ZDHHC9: variants seen among roughly 807,000 people sequenced by gnomAD.
The protein encoded by ZDHHC9 is palmitoyltransferase ZDHHC9.
A neutral mutation model predicts 26.6 loss-of-function variants in ZDHHC9; 3 were observed. The observed-to-expected ratio is 0.11, with a 90% CI of 0.05 to 0.29. The LOEUF (loss-of-function observed/expected upper bound fraction) is 0.29. Ranked by LOEUF, ZDHHC9 falls within the 10% of genes least tolerant of loss-of-function variation. The pLI is 1.00. For synonymous variants in ZDHHC9, 111 were observed against 109.4 expected, an observed-to-expected ratio of 1.01 and a Z score of -0.09; for missense variants, 146 against 296.4, an observed-to-expected ratio of 0.49 and a Z score of 3.73.
rs73565421 is a variant in ZDHHC9 at position 129,815,549 on chromosome X, G to A, written c.488-754C>T. On this transcript the variant is annotated intron_variant, in intron 5 of 10. Coordinates refer to ENST00000357166, the MANE Select transcript of ZDHHC9 (RefSeq NM_016032.4). ...ACAGATGACAAGGAAAAATAGATTTGACTCCATAAACTTTAAAAAAGTACT... is the reference window on the plus strand; with the variant it reads ...ACAGATGACAAGGAAAAATAGATTTAACTCCATAAACTTTAAAAAAGTACT... Among the ~76,000 whole-genome samples, 1,007 of 111,950 alleles carry A rather than the reference G, an allele frequency of 9.0e-3. 11 individuals are homozygous for A. Among genetic ancestry groups the A allele is most frequent in the African/African-American group, 0.031 (952 of 30,868 alleles).
intron 3 of ZDHHC9, among the ~76,000 whole-genome samples, chrX:129,834,990 T>C (rs980509539): frequency 1.8e-5 from 2 of 112,551 alleles, no homozygotes; most frequent in African/African-American, 6.4e-5. Flanking sequence ...CCCTGTTCTC[T>C]GGGCTTGCTT....
intron 3 of ZDHHC9, among the ~76,000 whole-genome samples, chrX:129,829,900 T>C (rs1374646494): frequency 1.8e-5 from 2 of 111,610 alleles, no homozygotes; most frequent in African/African-American, 6.5e-5. Context: ...ATCAATATCA[T>C]TGTCATCATT....
intron 10 of ZDHHC9, among the ~76,000 whole-genome samples, chrX:129,807,066 G>A (rs1021471022): frequency 5.3e-4 from 59 of 112,197 alleles, no homozygotes; most frequent in Non-Finnish European, 1.0e-3. Flanking sequence ...ATATAAACAC[G>A]GGTTGCTGTA....
rs186707558 is a variant in ZDHHC9, at chrX:129,807,692, A to C, written c.979-1206T>G. ...AAAATTAGCCGGTGTGGTGGTGGGC[A>C]CCTGTAATCCCAGCTACTTGGGAGG... On this transcript the variant is annotated intron_variant, in intron 10 of 10. Transcript: ENST00000357166. 4.9e-3 allele frequency among the ~76,000 whole-genome samples: 537 copies of C among 109,323 alleles called. 2 individuals are homozygous for C. Among genetic ancestry groups the C allele is most frequent in the African/African-American group, 0.017 (501 of 29,992 alleles). The allele number at this position is 109,323 out of a possible 115,157, so 94.9% of individuals were successfully genotyped here.
In ZDHHC9 at chrX:129,809,969, ACAGAGCGAGACTCCGT is replaced by A. The variant is rs1927598743; in HGVS notation, c.978+920_978+935del. On this transcript the variant is annotated intron_variant, in intron 10 of 10. Coordinates refer to ENST00000357166, the MANE Select transcript of ZDHHC9 (RefSeq NM_016032.4). ...GCACCACCGCACTCCAGCCTGGGTG[ACAGAGCGAGACTCCGT>A]CTCAAAAAAAAAAAAAAAAAAAATT... Among the ~76,000 whole-genome samples, 4 of 90,532 alleles carry A rather than the reference ACAGAGCGAGACTCCGT, an allele frequency of 4.4e-5. No homozygotes were observed. The Admixed American group carries it at 5.1e-4, about 12-fold the overall frequency. The allele number at this position is 90,532 out of a possible 115,157, so 78.6% of individuals were successfully genotyped here.
rs1927440271 is a variant in ZDHHC9 at position 129,803,505 on chromosome X, C to T, written c.*2865G>A. On this transcript the variant is annotated 3_prime_UTR_variant, in exon 11 of 11. Coordinates refer to ENST00000357166, the MANE Select transcript of ZDHHC9 (RefSeq NM_016032.4). ...TTTAAAAACAAAATACTTTTTTTCT[C>T]CAACAAAGTAAAGAGATTTGGTCAG... 8.9e-6 allele frequency: 1 copy of T among 111,963 alleles called. No homozygotes were observed. The highest frequency in any genetic ancestry group is 9.5e-5 in the Admixed American group (1 of 10,581). 9.2% of individuals were successfully genotyped at this position (111,963 alleles called of 1,213,427 possible). A position where few individuals can be genotyped will look rare whatever the true frequency, so the allele number is the denominator to read the frequency against.
intron 5 of ZDHHC9, chrX:129,823,429 A>AT: frequency 5.1e-6 from 2 of 394,198 alleles, no homozygotes; most frequent in Middle Eastern, 1.4e-3. Context: ...GGTAAAGTTT[A>AT]TTTTTCTCAT....
At chrX:129,842,317 G>A (rs1037425818) in intron 2 of ZDHHC9, among the ~76,000 whole-genome samples, 2 of 112,243 alleles carry the variant, frequency 1.8e-5, no homozygotes, top group African/African-American at 6.5e-5. Context: ...CCAATCTAAT[G>A]CTGATGATCT....
At chrX:129,834,047 G>T (rs1251165102) in intron 3 of ZDHHC9, among the ~76,000 whole-genome samples, 1 of 111,619 alleles carries the variant, frequency 9.0e-6, no homozygotes, top group Non-Finnish European at 1.9e-5. Context: ...TGGAGGTGGG[G>T]CCTTTGGGGG....
intron 5 of ZDHHC9, among the ~76,000 whole-genome samples, chrX:129,821,174 G>A (rs777604667): frequency 6.3e-5 from 7 of 111,735 alleles, no homozygotes; most frequent in Admixed American, 9.5e-5. Flanking sequence ...AAATAGGAAC[G>A]CTATTGTTGT....
At chrX:129,832,964 C>CAAAA (rs11317653) in intron 3 of ZDHHC9, among the ~76,000 whole-genome samples, 1 of 35,053 alleles carries the variant, frequency 2.9e-5, no homozygotes, top group Non-Finnish European at 5.6e-5. Context: ...GACTCCACCT[C>CAAAA]AAAAAAAAAA....
chrX:129,806,972 T>C (rs1458565017), intron 10 of ZDHHC9, among the ~76,000 whole-genome samples: 3 of 110,089 alleles, frequency 2.7e-5, no homozygotes, highest in Non-Finnish European at 5.6e-5. Flanking sequence ...CTTCTCCACT[T>C]TGAACCAAGA....
chrX:129,812,874 T>C lies in ZDHHC9; in HGVS notation c.675-54A>G, dbSNP rs972135332. ...ACTCAACATCAGGAGACTTGATGCC[T>C]CCGCCCATATTCAGAGCACCAGTCA... On this transcript the variant is annotated intron_variant, in intron 7 of 10. Coordinates refer to ENST00000357166, the MANE Select transcript of ZDHHC9 (RefSeq NM_016032.4). The C allele has an allele frequency of 8.3e-6, 7 of 846,874 alleles. No individual in the cohort carries two copies. In the South Asian group the frequency reaches 1.4e-4, roughly 17 times the overall value. 69.8% of individuals were successfully genotyped at this position (846,874 alleles called of 1,213,427 possible). A position where few individuals can be genotyped will look rare whatever the true frequency, so the allele number is the denominator to read the frequency against.
At chrX:129,842,885 G>A (rs1928413639) in intron 2 of ZDHHC9, among the ~76,000 whole-genome samples, 1 of 112,572 alleles carries the variant, frequency 8.9e-6, no homozygotes, top group Non-Finnish European at 1.9e-5. Context: ...GCTGATGGCT[G>A]GTTGGGGGGT....
At chrX:129,820,827 A>G (rs1296562338) in intron 5 of ZDHHC9, among the ~76,000 whole-genome samples, 2 of 111,283 alleles carry the variant, frequency 1.8e-5, no homozygotes, top group Non-Finnish European at 3.8e-5. Flanking sequence ...GGTTTGTTAC[A>G]TAGGTAAATG....
At chrX:129,818,411 T>G (rs989715705) in intron 5 of ZDHHC9, among the ~76,000 whole-genome samples, 6 of 112,316 alleles carry the variant, frequency 5.3e-5, no homozygotes, top group Non-Finnish European at 9.4e-5. Flanking sequence ...TAATTCTATG[T>G]TTAACTTTTT....
At chrX:129,815,146 G>A (rs768816937) in intron 5 of ZDHHC9, among the ~76,000 whole-genome samples, 1 of 110,224 alleles carries the variant, frequency 9.1e-6, no homozygotes, top group East Asian at 2.8e-4. Context: ...AGTTCAAGAA[G>A]AATAAACAGG....
intron 4 of ZDHHC9, among the ~76,000 whole-genome samples, chrX:129,824,315 G>A (rs1399392960): frequency 4.5e-5 from 5 of 110,912 alleles, no homozygotes; most frequent in Non-Finnish European, 9.4e-5. Flanking sequence ...ATGAAGTCTC[G>A]CTCTGTCGCC....
rs1448556592 is a variant in ZDHHC9 at position 129,803,362 on chromosome X, A to T, written c.*3008T>A. On this transcript the variant is annotated 3_prime_UTR_variant, in exon 11 of 11. Transcript: ENST00000357166. ...CATTAATTGGCTTCCCCCCAAAAGAAAGATTTCTTTATTAAGAAATACCAG... is the reference window on the plus strand; with the variant it reads ...CATTAATTGGCTTCCCCCCAAAAGATAGATTTCTTTATTAAGAAATACCAG... 1 of 112,658 alleles carries T rather than the reference A, an allele frequency of 8.9e-6. No individual in the cohort carries two copies. The highest frequency in any genetic ancestry group is 3.2e-5 in the African/African-American group (1 of 30,999). 9.3% of individuals were successfully genotyped at this position (112,658 alleles called of 1,213,427 possible). A position where few individuals can be genotyped will look rare whatever the true frequency, so the allele number is the denominator to read the frequency against.
Sources: gnomAD v4.1 joint callset for allele counts (sites outside exome capture counted in the v4.1 genomes callset) on GRCh38, gnomAD v4.1.1 for gene constraint, MANE v1.5 for transcripts, NCBI Gene and HGNC (gene_info 2026-07-23, HGNC 2026-07-21) for gene names.